Variants in BAHCC1 observed in about 807,000 individuals in gnomAD.
BAHCC1 encodes BAH domain and coiled-coil containing 1.
BAHCC1 carries 43 observed loss-of-function variants against 88.2 expected under a neutral mutation model. The observed-to-expected ratio is 0.49, with a 90% CI of 0.38 to 0.63. The LOEUF (loss-of-function observed/expected upper bound fraction) is 0.63. Ranked by LOEUF, BAHCC1 falls within the 20% of genes least tolerant of loss-of-function variation. BAHCC1 has a pLI of 0.00. For missense variants in BAHCC1, 3,023 were observed against 1,654.8 expected (o/e 1.83, Z -14.34); for synonymous variants, 1,510 against 745.5 (o/e 2.03, Z -16.71).
chr17:81,430,445 C>T (rs979190169), intron 3 of BAHCC1, among the ~76,000 whole-genome samples: 40 of 152,276 alleles, frequency 2.6e-4, no homozygotes, highest in African/African-American at 7.5e-4. Context: ...GCCCCACCAG[C>T]GGCCACTTCT....
rs782018075 is a variant in BAHCC1 at position 81,441,917 on chromosome 17, G to T, written c.568G>T (p.Ala190Ser). ...NFPSVARAAPAHPMGSCSRDR... is the reference protein window; with the variant it reads ...NFPSVARAAPSHPMGSCSRDR... ...CCCCAGCGTGGCCCGGGCCGCCCCT[G>T]CCCACCCCATGGGCTCCTGCAGCCG... is the stretch of plus-strand genomic sequence containing the variant. The change falls in exon 5 of 28, where the codon GCC becomes TCC. Residue 190 changes from alanine to serine, a missense_variant. Transcript: ENST00000675386. 3 of 710,638 alleles carry T rather than the reference G, an allele frequency of 4.2e-6. No homozygotes were observed. The South Asian group carries it at 4.4e-5, about 11-fold the overall frequency. The allele number at this position is 710,638 out of a possible 1,614,324, so 44.0% of individuals were successfully genotyped here.
chr17:81,429,434 A>G (rs1437474221), intron 3 of BAHCC1, among the ~76,000 whole-genome samples: 31 of 152,180 alleles, frequency 2.0e-4, no homozygotes, highest in South Asian at 1.2e-3. Context: ...GACAGACCAC[A>G]TGGAGCTGCC....
intron 2 of BAHCC1, chr17:81,406,879 C>T (rs577493395): frequency 9.9e-5 from 45 of 456,168 alleles, no homozygotes; most frequent in East Asian, 2.1e-4. Context: ...GGGAGCCAGC[C>T]GGGCTGGCAT....
Position 81,399,949 on chromosome 17 carries a change from G to A in BAHCC1, c.178+32G>A, listed in dbSNP as rs1472231072. 1.8e-5 allele frequency: 24 copies of A among 1,312,768 alleles called. No individual in the cohort carries two copies. The highest frequency in any genetic ancestry group is 2.2e-5 in the Non-Finnish European group (23 of 1,026,298). The allele number at this position is 1,312,768 out of a possible 1,614,324, so 81.3% of individuals were successfully genotyped here. On this transcript the variant is annotated intron_variant, in intron 2 of 27. Coordinates refer to ENST00000675386, the MANE Select transcript of BAHCC1 (RefSeq NM_001377448.1). This position sits in a 1 kb window ranked among gnomAD's most constrained non-coding sequence, Gnocchi z 4.5. ...GCTCGGCCGGGGCGGGCGCGGGACG[G>A]GAGCGTTCGAGAGCGGAACAGGGCG...
At chr17:81,397,269 A>C (rs1224303892) in intron 1 of BAHCC1, 2 of 152,162 alleles carry the variant, frequency 1.3e-5, no homozygotes, top group Admixed American at 6.5e-5. Flanking sequence ...GTGAGAAAGG[A>C]ACAATCGGGC....
intron 5 of BAHCC1, 94 bp from the exon 6 acceptor site, chr17:81,443,715 G>GC: frequency 1.5e-6 from 1 of 669,354 alleles, no homozygotes; most frequent in South Asian, 1.6e-5. Context: ...AGTGCATCAG[G>GC]CCCCCCAGCT....
Position 81,464,110 on chromosome 17 carries a change from C to T in BAHCC1, c.*293C>T, listed in dbSNP as rs891988076. Reference sequence around the variant, plus strand: ...CTCCGTTTCCCGCACCGGCAGTTCACGGGAGATTTGAATCCAAGCCATATT... The same window carrying T: ...CTCCGTTTCCCGCACCGGCAGTTCATGGGAGATTTGAATCCAAGCCATATT... On this transcript the variant is annotated 3_prime_UTR_variant, in exon 28 of 28. Coordinates refer to ENST00000675386, the MANE Select transcript of BAHCC1 (RefSeq NM_001377448.1). 19 of 510,300 alleles carry T rather than the reference C, an allele frequency of 3.7e-5. 1 individual carries two copies. The highest frequency in any genetic ancestry group is 1.0e-4 in the East Asian group (3 of 29,402). The allele number at this position is 510,300 out of a possible 1,614,324, so 31.6% of individuals were successfully genotyped here. A position where few individuals can be genotyped will look rare whatever the true frequency, so the allele number is the denominator to read the frequency against.
chr17:81,423,492 G>A (rs2064139518), intron 2 of BAHCC1, among the ~76,000 whole-genome samples: 2 of 152,198 alleles, frequency 1.3e-5, no homozygotes, highest in Non-Finnish European at 1.5e-5. Context: ...GACTCACCTC[G>A]GGCTGGGCCC....
chr17:81,463,593 C>T lies in BAHCC1; in HGVS notation c.7621-18C>T, dbSNP rs369210140. 16 of 778,914 alleles carry T rather than the reference C, an allele frequency of 2.1e-5. No homozygotes were observed. The highest frequency in any genetic ancestry group is 1.0e-4 in the Admixed American group (6 of 58,988). The allele number at this position is 778,914 out of a possible 1,614,324, so 48.3% of individuals were successfully genotyped here. On this transcript the variant is annotated intron_variant, in intron 27 of 27. Coordinates refer to ENST00000675386, the MANE Select transcript of BAHCC1 (RefSeq NM_001377448.1). The stretch of plus-strand genomic sequence containing the variant: ...TGGCCAAGGCCGGCCACTGATGCCC[C>T]GCGCGCCTTGCCCCCAGAATGCGCT...
rs547169691 is a variant in BAHCC1 at position 81,435,032 on chromosome 17, G to A, written c.359-3338G>A. Among the ~76,000 whole-genome samples the A allele has an allele frequency of 5.0e-4, 76 of 151,950 alleles. No homozygotes were observed. In the South Asian group the frequency reaches 0.011, roughly 23 times the overall value. The stretch of plus-strand genomic sequence containing the variant: ...AGGAAGGGTCCCCTCACCCCTGGCC[G>A]TCCCCAGCCCCCATTTCTCTGCACG... On this transcript the variant is annotated intron_variant, in intron 3 of 27. Transcript: ENST00000675386. This position sits in a 1 kb window ranked among gnomAD's most constrained non-coding sequence, Gnocchi z 4.4.
chr17:81,429,855 C>T lies in BAHCC1; in HGVS notation c.358+2876C>T, dbSNP rs928962093. 3.8e-3 allele frequency among the ~76,000 whole-genome samples: 584 copies of T among 152,300 alleles called. 3 individuals are homozygous for T. Among genetic ancestry groups the T allele is most frequent in the African/African-American group, 0.013 (542 of 41,552 alleles). On this transcript the variant is annotated intron_variant, in intron 3 of 27. Transcript: ENST00000675386. ...AGCCCCAGGAACCCCCCATGCCAAG[C>T]GGGGCCTCCTCTCTCCCCATCTGCA...
chr17:81,400,009 G>T, intron 2 of BAHCC1, 92 bp downstream of exon 2: 1 of 1,089,328 alleles, frequency 9.2e-7, no homozygotes, highest in Non-Finnish European at 1.2e-6. Flanking sequence ...GAGAAGCTTT[G>T]GTTTCATTTC....
rs782617843 is a variant in BAHCC1 at position 81,442,368 on chromosome 17, G to A, written c.1019G>A (p.Arg340Gln). The change falls in exon 5 of 28, where the codon CGG becomes CAG. Residue 340 changes from arginine to glutamine, a missense_variant. Arg to Gln is a conservative substitution (Grantham distance 43, BLOSUM62 1). Coordinates refer to ENST00000675386, the MANE Select transcript of BAHCC1 (RefSeq NM_001377448.1). ...PGPAFSECLE[R>Q]RQMLHHTASY... ...CCGGCCTTCAGCGAGTGCCTGGAGC[G>A]GCGGCAGATGCTACACCACACCGCA... 1.0e-5 allele frequency: 7 copies of A among 701,644 alleles called. No individual in the cohort carries two copies. Among genetic ancestry groups the A allele is most frequent in the South Asian group, 4.5e-5 (3 of 66,638 alleles). 43.5% of individuals were successfully genotyped at this position (701,644 alleles called of 1,614,324 possible).
rs1598444876 is a variant in BAHCC1, at chr17:81,399,995, A to C, written c.178+78A>C. The C allele has an allele frequency of 1.5e-5, 17 of 1,147,704 alleles. No homozygotes were observed. The highest frequency in any genetic ancestry group is 3.4e-4 in the Middle Eastern group (1 of 2,906). The allele number at this position is 1,147,704 out of a possible 1,614,324, so 71.1% of individuals were successfully genotyped here. A position where few individuals can be genotyped will look rare whatever the true frequency, so the allele number is the denominator to read the frequency against. ...GGGCGCCCACCCCTCCGCTCCCGGG[A>C]GCAGAGAAGCTTTGGTTTCATTTCC... On this transcript the variant is annotated intron_variant, in intron 2 of 27. Coordinates refer to ENST00000675386, the MANE Select transcript of BAHCC1 (RefSeq NM_001377448.1). This position sits in a 1 kb window ranked among gnomAD's most constrained non-coding sequence, Gnocchi z 4.5.
intron 27 of BAHCC1, among the ~76,000 whole-genome samples, chr17:81,463,392 C>T (rs868952214): frequency 1.2e-4 from 19 of 152,190 alleles, no homozygotes; most frequent in African/African-American, 3.1e-4. Flanking sequence ...TCTCTGACTC[C>T]GACAGCCCCC....
Position 81,447,154 on chromosome 17 carries a change from G to C in BAHCC1, c.3282G>C (p.Gln1094His). 1 of 777,984 alleles carries C rather than the reference G, an allele frequency of 1.3e-6. No individual in the cohort carries two copies. The highest frequency in any genetic ancestry group is 2.4e-6 in the Non-Finnish European group (1 of 417,386). The allele number at this position is 777,984 out of a possible 1,614,324, so 48.2% of individuals were successfully genotyped here. Reference sequence around the variant, plus strand: ...TGCAAACCACCGCCCCGGGGGCCCAGCCTGAGCCCACAAGGACATTCCTGC... The same window carrying C: ...TGCAAACCACCGCCCCGGGGGCCCACCCTGAGCCCACAAGGACATTCCTGC... ...ETMQTTAPGAQPEPTRTFLPG... is the reference protein window; with the variant it reads ...ETMQTTAPGAHPEPTRTFLPG... The change falls in exon 11 of 28, where the codon CAG becomes CAC. Residue 1094 changes from glutamine (Q) to histidine (H), a missense_variant. Gln to His is a conservative substitution (Grantham distance 24). Transcript: ENST00000675386.
intron 2 of BAHCC1, among the ~76,000 whole-genome samples, chr17:81,419,390 C>G (rs1192886572): frequency 1.3e-5 from 2 of 152,264 alleles, no homozygotes; most frequent in South Asian, 2.1e-4. Context: ...CGCGCTTTCC[C>G]GGAATGAGGA....
chr17:81,415,480 GTACCAAAAGCAGTTGGCTGGGAAATAAC>G, intron 2 of BAHCC1: 1 of 504,388 alleles, frequency 2.0e-6, no homozygotes, highest in South Asian at 1.4e-5. Context: ...GGAGCCAGCT[GTACCAAAAGCAGTTGGCTGGGAAATAAC>G]AGAAAATGGC....
chr17:81,449,805 C>T lies in BAHCC1; in HGVS notation c.3977-1863C>T, dbSNP rs573241514. On this transcript the variant is annotated intron_variant, in intron 11 of 27. Transcript: ENST00000675386. The stretch of plus-strand genomic sequence containing the variant: ...CTTTGCACCCCAGCATCTGCCCCTC[C>T]GAGCACCTCCTGGCTTCTTAGTAAT... Among the ~76,000 whole-genome samples, 73 of 152,280 alleles carry T rather than the reference C, an allele frequency of 4.8e-4. 3 individuals carry two copies. In the South Asian group the frequency reaches 0.014, roughly 29 times the overall value.
Sources: allele counts gnomAD v4.1 joint callset (sites outside exome capture counted in the v4.1 genomes callset), GRCh38; gene constraint gnomAD v4.1.1; non-coding constraint Gnocchi (gnomAD v3.1); transcripts MANE v1.5; gene names NCBI Gene and HGNC (gene_info 2026-07-23, HGNC 2026-07-21).